Variants in SMARCC1 observed in about 807,000 individuals in gnomAD.
SMARCC1 encodes the protein SWI/SNF complex subunit SMARCC1.
Under a neutral mutation model 147.4 loss-of-function variants are expected in SMARCC1, and 43 were observed. The observed-to-expected ratio is 0.29, with a 90% confidence interval of 0.23 to 0.38. The LOEUF (loss-of-function observed/expected upper bound fraction) is 0.38, where lower values mean the gene tolerates loss of function less well. Ranked by LOEUF, SMARCC1 falls within the 10% of genes least tolerant of loss-of-function variation. SMARCC1 has a pLI of 1.00. For missense variants in SMARCC1, 1,119 were observed against 1,381.1 expected, an observed-to-expected ratio of 0.81 and a Z score of 3.01; for synonymous variants, 495 against 484.4, an observed-to-expected ratio of 1.02 and a Z score of -0.29.
intron 13 of SMARCC1, 98 bp downstream of exon 13, chr3:47,689,289 G>T: frequency 1.0e-6 from 1 of 978,176 alleles, no homozygotes; most frequent in Non-Finnish European, 1.6e-6. Flanking sequence ...GGGCTTCATA[G>T]TCCAAAAATT....
chr3:47,756,514 CA>C lies in SMARCC1; in HGVS notation c.316-10522del, dbSNP rs2034699269. ...CGCCATTGCGCTCCAGCCTGGGCAA[CA>C]AGAGCGAAACTCCGTCTCAAAAAAA... On this transcript the variant is annotated intron_variant, in intron 2 of 27. Coordinates refer to ENST00000254480, the MANE Select transcript of SMARCC1 (RefSeq NM_003074.4). Among the ~76,000 whole-genome samples the C allele has an allele frequency of 5.0e-5, 4 of 79,498 alleles. No individual in the cohort carries two copies. The South Asian group carries it at 1.8e-3, about 35-fold the overall frequency. 52.2% of individuals were successfully genotyped at this position (79,498 alleles called of 152,430 possible).
intron 3 of SMARCC1, among the ~76,000 whole-genome samples, chr3:47,745,055 G>A (rs527626273): frequency 2.0e-5 from 3 of 152,232 alleles, no homozygotes; most frequent in African/African-American, 7.2e-5. Context: ...ATCGCCTGAG[G>A]TCAGGAGTTC....
chr3:47,593,260 C>T (rs1012969646), intron 26 of SMARCC1, among the ~76,000 whole-genome samples: 1 of 151,768 alleles, frequency 6.6e-6, no homozygotes, highest in African/African-American at 2.4e-5. Flanking sequence ...CAACCTCCGC[C>T]TCCTGGGTTC....
chr3:47,642,086 A>G (rs2033055402), intron 21 of SMARCC1, among the ~76,000 whole-genome samples: 1 of 152,178 alleles, frequency 6.6e-6, no homozygotes, highest in Non-Finnish European at 1.5e-5. Context: ...GAAACATATA[A>G]CTATTAAAAT....
chr3:47,678,346 T>G (rs1160538433), intron 15 of SMARCC1, 35 bp from the exon 16 acceptor site: 1 of 1,042,496 alleles, frequency 9.6e-7, no homozygotes, highest in Admixed American at 2.1e-5. Flanking sequence ...AAGGTGGACA[T>G]GTATCCTCTC....
chr3:47,756,892 A>C (rs190921789), intron 2 of SMARCC1, among the ~76,000 whole-genome samples: 138 of 152,260 alleles, frequency 9.1e-4, no homozygotes, highest in African/African-American at 3.2e-3. Context: ...AAAAACATAA[A>C]CTATTAAGTG....
chr3:47,612,407 T>C lies in SMARCC1; in HGVS notation c.2782-2080A>G, dbSNP rs530889522. Reference sequence around the variant, plus strand: ...TGTAGTCCTACTGTTATGTAAGAACTATGGAATTTAGGTCAAGATATGCTT... The same window carrying C: ...TGTAGTCCTACTGTTATGTAAGAACCATGGAATTTAGGTCAAGATATGCTT... On this transcript the variant is annotated intron_variant, in intron 25 of 27. Transcript: ENST00000254480. 2.0e-5 allele frequency among the ~76,000 whole-genome samples: 3 copies of C among 152,312 alleles called. No individual in the cohort carries two copies. The East Asian group carries it at 5.8e-4, about 29-fold the overall frequency.
intron 21 of SMARCC1, among the ~76,000 whole-genome samples, chr3:47,652,623 CAAA>C (rs11377736): frequency 2.2e-5 from 3 of 134,944 alleles, no homozygotes; most frequent in Admixed American, 7.5e-5. Flanking sequence ...CTTGCTTTTG[CAAA>C]AAAAAAAAAA....
At chr3:47,750,092 A>AAG (rs1553690230) in intron 2 of SMARCC1, among the ~76,000 whole-genome samples, 56 of 150,390 alleles carry the variant, frequency 3.7e-4, no homozygotes, top group East Asian at 5.9e-4. Context: ...AAAAAAAAAA[A>AAG]AAAGAAAATG....
chr3:47,747,671 G>C (rs1231951205), intron 2 of SMARCC1, among the ~76,000 whole-genome samples: 2 of 151,576 alleles, frequency 1.3e-5, no homozygotes, highest in Non-Finnish European at 2.9e-5. Flanking sequence ...AATCAAAATG[G>C]TTCCAAAGAA....
At chr3:47,753,325 CAAAA>C (rs35435595) in intron 2 of SMARCC1, among the ~76,000 whole-genome samples, 5 of 92,870 alleles carry the variant, frequency 5.4e-5, no homozygotes, top group African/African-American at 9.5e-5. Context: ...ACTCCATCTC[CAAAA>C]AAAAAAAAAA....
intron 2 of SMARCC1, among the ~76,000 whole-genome samples, chr3:47,757,603 T>G (rs2034715802): frequency 6.6e-6 from 1 of 151,520 alleles, no homozygotes; most frequent in Non-Finnish European, 1.5e-5. Context: ...GTGAAACTGG[T>G]GAACCCCTAT....
chr3:47,604,439 A>C (rs1020207219), intron 26 of SMARCC1: 1 of 383,020 alleles, frequency 2.6e-6, no homozygotes, highest in South Asian at 2.0e-5. Flanking sequence ...TCAGCTCCCA[A>C]TGTAAGCTGT....
chr3:47,678,356 C>G (rs1390781181), intron 15 of SMARCC1, 45 bp from the exon 16 acceptor site: 7 of 885,582 alleles, frequency 7.9e-6, no homozygotes, highest in Admixed American at 4.8e-5. Flanking sequence ...TGTATCCTCT[C>G]AGAAACAATG....
intron 27 of SMARCC1, 25 bp from the exon 28 acceptor site, chr3:47,588,331 C>T (rs986846243): frequency 6.3e-6 from 10 of 1,596,464 alleles, no homozygotes; most frequent in South Asian, 5.5e-5. Context: ...AAGAGTAACT[C>T]GTTATTGCTG....
At chr3:47,664,121 T>C (rs1222769439) in intron 19 of SMARCC1, among the ~76,000 whole-genome samples, 1 of 151,182 alleles carries the variant, frequency 6.6e-6, no homozygotes, top group Admixed American at 6.6e-5. Flanking sequence ...GTTGTTTGAA[T>C]GTTACATACT....
chr3:47,590,609 A>G, intron 27 of SMARCC1, 52 bp downstream of exon 27: 1 of 1,420,870 alleles, frequency 7.0e-7, no homozygotes, highest in Non-Finnish European at 9.3e-7. Flanking sequence ...CCTTATCTAC[A>G]GCCCTCCAGA....
chr3:47,599,487 T>C (rs1271560098), intron 26 of SMARCC1, among the ~76,000 whole-genome samples: 1 of 152,184 alleles, frequency 6.6e-6, no homozygotes, highest in African/African-American at 2.4e-5. Context: ...TCAATCCCCA[T>C]AACAACACTA....
At chr3:47,673,990 T>A (rs2033538002) in intron 18 of SMARCC1, among the ~76,000 whole-genome samples, 1 of 152,196 alleles carries the variant, frequency 6.6e-6, no homozygotes. Flanking sequence ...GTTGACCTTT[T>A]TTCTATCACT....
Sources: allele counts gnomAD v4.1 joint callset (sites outside exome capture counted in the v4.1 genomes callset), GRCh38; gene constraint gnomAD v4.1.1; transcripts MANE v1.5; gene names NCBI Gene and HGNC (gene_info 2026-07-23, HGNC 2026-07-21).